The following SLC26A2 variants were observed in gnomAD, a reference collection of about 807,000 sequenced individuals.
SLC26A2 encodes the protein solute carrier family 26 member 2.
A neutral mutation model predicts 41.1 loss-of-function variants in SLC26A2; 36 were observed. That is an observed-to-expected ratio of 0.88 (90% CI 0.67 to 1.16). SLC26A2 has a LOEUF of 1.16. SLC26A2 is among the 50% of genes most tolerant of loss of function. The probability of loss-of-function intolerance (pLI) is 0.00; values close to 1 mark genes in which losing one functional copy is unlikely to be tolerated. For synonymous variants in SLC26A2, 291 were observed against 311.6 expected, an observed-to-expected ratio of 0.93 and a Z score of 0.70; for missense variants, 796 against 869.6, an observed-to-expected ratio of 0.92 and a Z score of 1.07.
chr5:149,975,433 T>C (rs538008104), intron 1 of SLC26A2, among the ~76,000 whole-genome samples: 3 of 152,358 alleles, frequency 2.0e-5, no homozygotes, highest in East Asian at 3.9e-4. Context: ...TTTTTTCTTA[T>C]GTCTCTTTTG....
intron 1 of SLC26A2, among the ~76,000 whole-genome samples, chr5:149,969,270 C>T (rs1191842958): frequency 6.6e-6 from 1 of 152,126 alleles, no homozygotes; most frequent in Non-Finnish European, 1.5e-5. Flanking sequence ...AGATAAAGCA[C>T]ATATTCAACA....
intron 1 of SLC26A2, among the ~76,000 whole-genome samples, chr5:149,969,074 T>C (rs1754857363): frequency 6.6e-6 from 1 of 152,208 alleles, no homozygotes; most frequent in Non-Finnish European, 1.5e-5. Flanking sequence ...AAAATTTTTG[T>C]CCAACAAAAG....
Position 149,980,977 on chromosome 5 carries a change from C to T in SLC26A2, c.1384C>T (p.Leu462=). ...TCAGCTTTCTGGTGTGGTAACAGCCCTGGTTCTTTTGTTGGTCCTCCTAGT... is the reference window on the plus strand; with the variant it reads ...TCAGCTTTCTGGTGTGGTAACAGCCTTGGTTCTTTTGTTGGTCCTCCTAGT... ...HTQLSGVVTA[L]VLLLVLLVIA... The change falls in exon 3 of 3, where the codon CTG becomes TTG. Residue 462 remains leucine, a synonymous_variant. Coordinates refer to ENST00000286298, the MANE Select transcript of SLC26A2 (RefSeq NM_000112.4). The T allele has an allele frequency of 6.2e-7, 1 of 1,614,096 alleles. No individual in the cohort carries two copies. Among genetic ancestry groups the T allele is most frequent in the South Asian group, 1.1e-5 (1 of 91,080 alleles).
chr5:149,961,230 GCGTATCTCGC>G (rs1357067892), intron 1 of SLC26A2, among the ~76,000 whole-genome samples: 7 of 152,000 alleles, frequency 4.6e-5, no homozygotes, highest in East Asian at 1.9e-4. Context: ...CCTCCATCCC[GCGTATCTCGC>G]CGTATCTCGC....
Position 149,981,729 on chromosome 5 carries a change from G to A in SLC26A2, c.2136G>A (p.Val712=), listed in dbSNP as rs1755109403. The change falls in exon 3 of 3, where the codon GTG becomes GTA. Residue 712 remains valine, a synonymous_variant. Coordinates refer to ENST00000286298, the MANE Select transcript of SLC26A2 (RefSeq NM_000112.4). The part of the protein sequence containing the change: ...KEEENLLFYS[V]YEAMAFAEVS... ...AAGAAAACCTTCTCTTCTATAGTGTGTATGAAGCGATGGCTTTTGCAGAAG... is the reference window on the plus strand; with the variant it reads ...AAGAAAACCTTCTCTTCTATAGTGTATATGAAGCGATGGCTTTTGCAGAAG... The A allele has an allele frequency of 5.6e-6, 9 of 1,611,322 alleles. No homozygotes were observed. The highest frequency in any genetic ancestry group is 5.9e-6 in the Non-Finnish European group (7 of 1,179,184).
chr5:149,966,157 G>T (rs137919666), intron 1 of SLC26A2, among the ~76,000 whole-genome samples: 1 of 152,146 alleles, frequency 6.6e-6, no homozygotes, highest in African/African-American at 2.4e-5. Flanking sequence ...CGCATGCCTC[G>T]GCCTTCCGAA....
chr5:149,963,082 A>ATATATATATATT lies in SLC26A2; in HGVS notation c.-26+2106_-26+2107insATATATATTTAT, dbSNP rs1453062185. Among the ~76,000 whole-genome samples, 430 of 138,128 alleles carry ATATATATATATT rather than the reference A, an allele frequency of 3.1e-3. 1 individual carries two copies. Among genetic ancestry groups the ATATATATATATT allele is most frequent in the African/African-American group, 0.012 (412 of 35,198 alleles). The allele number at this position is 138,128 out of a possible 152,430, so 90.6% of individuals were successfully genotyped here. The stretch of plus-strand genomic sequence containing the variant: ...AAATGGCAGCAATGGCAGTGGTGCT[A>ATATATATATATT]TATTTATTTATTTATTTATTTATTT... On this transcript the variant is annotated intron_variant, in intron 1 of 2. Coordinates refer to ENST00000286298, the MANE Select transcript of SLC26A2 (RefSeq NM_000112.4).
At chr5:149,962,402 G>C (rs76120848) in intron 1 of SLC26A2, 1 of 151,614 alleles carries the variant, frequency 6.6e-6, no homozygotes, top group Non-Finnish European at 1.5e-5. Flanking sequence ...GCAGGGGCGC[G>C]ATCTAGGCTC....
In SLC26A2 at chr5:149,981,606, CAG is replaced by C. The variant is rs772515802; in HGVS notation, c.2017_2018del (p.Asp673LeufsTer2). On this transcript the variant is annotated frameshift_variant, in exon 3 of 3. Transcript: ENST00000286298. LOFTEE classifies it high-confidence loss of function. Reference sequence around the variant, plus strand: ...GGATCCACACACTGAAAGAAGTTCGCAGAGATTATGAAGCCATTGGAATCCAG... The same window carrying C: ...GGATCCACACACTGAAAGAAGTTCGCAGATTATGAAGCCATTGGAATCCAG... ...AGIHTLKEVR[R>X]DYEAIGIQVL... 2.5e-6 allele frequency: 4 copies of C among 1,614,080 alleles called. No individual in the cohort carries two copies. In the South Asian group the frequency reaches 4.4e-5, roughly 18 times the overall value.
rs114212275 is a variant in SLC26A2, at chr5:149,980,639, T to A, written c.1046T>A (p.Phe349Tyr). The A allele has an allele frequency of 8.7e-4, 1,399 of 1,614,104 alleles. No homozygotes were observed. The highest frequency in any genetic ancestry group is 1.1e-3 in the Non-Finnish European group (1,249 of 1,179,992). ...VVVAATLASH[F>Y]GKLHENYNSS... ...GTAGCAGCCACATTAGCCTCTCATT[T>A]TGGAAAACTACATGAAAATTATAAT... The change falls in exon 3 of 3, where the codon TTT becomes TAT. Residue 349 changes from phenylalanine to tyrosine, a missense_variant. Physicochemically the swap from Phe to Tyr is conservative, Grantham distance 22. Transcript: ENST00000286298.
chr5:149,984,873 T>G lies in SLC26A2; in HGVS notation c.*3060T>G, dbSNP rs1194790462. The G allele has an allele frequency of 6.6e-6, 1 of 152,246 alleles. No individual in the cohort carries two copies. Among genetic ancestry groups the G allele is most frequent in the Non-Finnish European group, 1.5e-5 (1 of 68,046 alleles). The allele number at this position is 152,246 out of a possible 1,614,324, so 9.4% of individuals were successfully genotyped here. A position where few individuals can be genotyped will look rare whatever the true frequency, so the allele number is the denominator to read the frequency against. On this transcript the variant is annotated 3_prime_UTR_variant, in exon 3 of 3. Transcript: ENST00000286298. ...ACGTAGTGTGGTATACTCTTGATGG[T>G]TAGAACTCTTACAGCCTTATTTATT...
intron 1 of SLC26A2, 97 bp from the exon 2 acceptor site, chr5:149,977,531 T>A: frequency 2.7e-6 from 2 of 746,410 alleles, no homozygotes; most frequent in South Asian, 3.0e-5. Context: ...AAAACTGAAT[T>A]CCTTTTAACT....
chr5:149,978,206 A>G lies in SLC26A2; in HGVS notation c.554A>G (p.Tyr185Cys), dbSNP rs553523153. The G allele has an allele frequency of 2.5e-6, 4 of 1,614,156 alleles. No individual in the cohort carries two copies. In the South Asian group the frequency reaches 3.3e-5, roughly 13 times the overall value. The change falls in exon 2 of 3, where the codon TAT (tyrosine) becomes TGT (cysteine). Residue 185 changes from tyrosine (Y) to cysteine (C), a missense_variant. Coordinates refer to ENST00000286298, the MANE Select transcript of SLC26A2 (RefSeq NM_000112.4). ...GACCGAGAACTACAGAAAGCTGGCT[A>G]TGACAATGCCCATAGTGCTCCTTCC... The part of the protein sequence containing the change: ...TVDRELQKAG[Y>C]DNAHSAPSLG...
chr5:149,964,590 A>C (rs1225429998), intron 1 of SLC26A2, among the ~76,000 whole-genome samples: 1 of 152,160 alleles, frequency 6.6e-6, no homozygotes, highest in African/African-American at 2.4e-5. Flanking sequence ...ATCCTGGCTA[A>C]CACGGTGAAA....
At chr5:149,961,834 TGGACCCTTTAAAATCAGGA>T (rs535693083) in intron 1 of SLC26A2, among the ~76,000 whole-genome samples, 18 of 152,218 alleles carry the variant, frequency 1.2e-4, no homozygotes, top group African/African-American at 4.1e-4. Flanking sequence ...GGGAAAGGAA[TGGACCCTTTAAAATCAGGA>T]ATCTCAAGGC....
chr5:149,981,552 C>T lies in SLC26A2; in HGVS notation c.1959C>T (p.Cys653=), dbSNP rs1409536324. The change falls in exon 3 of 3, where the codon TGC becomes TGT. Residue 653 remains cysteine, a synonymous_variant. Transcript: ENST00000286298. ...PLELHTIVID[C]SAIQFLDTAG... Reference sequence around the variant, plus strand: ...AGCTGCATACTATAGTGATTGACTGCAGTGCAATTCAATTTTTAGATACAG... The same window carrying T: ...AGCTGCATACTATAGTGATTGACTGTAGTGCAATTCAATTTTTAGATACAG... 3 of 1,613,972 alleles carry T rather than the reference C, an allele frequency of 1.9e-6. No individual in the cohort carries two copies. The Admixed American group carries it at 5.0e-5, about 27-fold the overall frequency.
rs752364220 is a variant in SLC26A2, at chr5:149,981,030, A to G, written c.1437A>G (p.Gln479=). ...LVIAPLFYSL[Q]KSVLGVITIV... ...TAGCTCCTTTGTTCTATTCCCTTCA[A>G]AAAAGTGTCCTTGGTGTGATCACAA... The change falls in exon 3 of 3, where the codon CAA becomes CAG. Residue 479 remains glutamine, a synonymous_variant. Coordinates refer to ENST00000286298, the MANE Select transcript of SLC26A2 (RefSeq NM_000112.4). 1.8e-5 allele frequency: 29 copies of G among 1,614,134 alleles called. No homozygotes were observed. In the South Asian group the frequency reaches 3.2e-4, roughly 18 times the overall value.
chr5:149,984,495 A>G lies in SLC26A2; in HGVS notation c.*2682A>G, dbSNP rs1755160094. Reference sequence around the variant, plus strand: ...GCTAACACTGTGAAACCCCGTCTCTACTAAAAATACAAAAAATTAGCGGGG... The same window carrying G: ...GCTAACACTGTGAAACCCCGTCTCTGCTAAAAATACAAAAAATTAGCGGGG... On this transcript the variant is annotated 3_prime_UTR_variant, in exon 3 of 3. Transcript: ENST00000286298. 1 of 152,342 alleles carries G rather than the reference A, an allele frequency of 6.6e-6. No homozygotes were observed. The highest frequency in any genetic ancestry group is 2.1e-4 in the South Asian group (1 of 4,828). The allele number at this position is 152,342 out of a possible 1,614,324, so 9.4% of individuals were successfully genotyped here.
rs564489387 is a variant in SLC26A2 at position 149,982,903 on chromosome 5, A to G, written c.*1090A>G. The G allele has an allele frequency of 2.6e-5, 4 of 152,332 alleles. No individual in the cohort carries two copies. Among genetic ancestry groups the G allele is most frequent in the African/African-American group, 2.4e-5 (1 of 41,582 alleles). The allele number at this position is 152,332 out of a possible 1,614,324, so 9.4% of individuals were successfully genotyped here. Reference sequence around the variant, plus strand: ...TGAATTGAGGAGGAATTTGCTTTCAAAAAGCAAGAATGTCCAACACTGAAA... The same window carrying G: ...TGAATTGAGGAGGAATTTGCTTTCAGAAAGCAAGAATGTCCAACACTGAAA... On this transcript the variant is annotated 3_prime_UTR_variant, in exon 3 of 3. Coordinates refer to ENST00000286298, the MANE Select transcript of SLC26A2 (RefSeq NM_000112.4).
Sources: allele counts gnomAD v4.1 joint callset (sites outside exome capture counted in the v4.1 genomes callset), GRCh38; gene constraint gnomAD v4.1.1; transcripts MANE v1.5; gene names NCBI Gene and HGNC (gene_info 2026-07-23, HGNC 2026-07-21).